The following ZDHHC1 variants were observed in gnomAD, a reference collection of about 807,000 sequenced individuals.
ZDHHC1 encodes the protein zDHHC palmitoyltransferase 1.
A neutral mutation model predicts 46.9 loss-of-function variants in ZDHHC1; 45 were observed. The observed-to-expected ratio is 0.96, with a 90% CI of 0.76 to 1.23. ZDHHC1 has a LOEUF of 1.23. ZDHHC1 is among the 50% of genes most tolerant of loss of function. The pLI, the probability that ZDHHC1 is intolerant of heterozygous loss-of-function variation, is 0.00. For synonymous variants in ZDHHC1, 291 were observed against 286.0 expected, an observed-to-expected ratio of 1.02 and a Z score of -0.18; for missense variants, 649 against 670.8, an observed-to-expected ratio of 0.97 and a Z score of 0.36.
Position 67,395,520 on chromosome 16 carries a change from G to T in ZDHHC1, c.974C>A (p.Pro325His). ...MRTFRHMRPE[P>H]PGQAGPAAVN... The stretch of plus-strand genomic sequence containing the variant: ...TGCTGCTGGCCCGGCCTGGCCAGGG[G>T]GCTCTGGGCGCATATGTCTGAAGGT... The change falls in exon 9 of 12, where the codon CCC becomes CAC. Residue 325 changes from proline (P) to histidine (H), a missense_variant. Physicochemically the swap from Pro to His is moderately conservative, Grantham distance 77. Transcript: ENST00000565726. 1.3e-6 allele frequency: 2 copies of T among 1,555,306 alleles called. No homozygotes were observed. Among genetic ancestry groups the T allele is most frequent in the Non-Finnish European group, 8.7e-7 (1 of 1,148,822 alleles).
chr16:67,412,166 C>A (rs1479597345), intron 1 of ZDHHC1, among the ~76,000 whole-genome samples: 1 of 151,718 alleles, frequency 6.6e-6, no homozygotes, highest in Non-Finnish European at 1.5e-5. Flanking sequence ...CATTCCTATA[C>A]GCACAGATTT....
intron 8 of ZDHHC1, 119 bp from the exon 9 acceptor site, chr16:67,395,685 C>G: frequency 1.0e-6 from 1 of 978,110 alleles, no homozygotes; most frequent in Non-Finnish European, 1.5e-6. Flanking sequence ...AGGCCTCATG[C>G]CAGGCTCCCA....
intron 1 of ZDHHC1, among the ~76,000 whole-genome samples, chr16:67,409,270 G>C (rs1333121803): frequency 6.6e-6 from 1 of 151,796 alleles, no homozygotes; most frequent in Non-Finnish European, 1.5e-5. Context: ...CTCCAAATCA[G>C]GATACCCCCT....
intron 4 of ZDHHC1, among the ~76,000 whole-genome samples, chr16:67,400,187 C>T (rs755448711): frequency 2.0e-5 from 3 of 152,206 alleles, no homozygotes; most frequent in Non-Finnish European, 4.4e-5. Context: ...AAGTCCTTGG[C>T]GCCTTAAGGC....
chr16:67,412,018 CAGG>C (rs1249256800), intron 1 of ZDHHC1, among the ~76,000 whole-genome samples: 2 of 151,708 alleles, frequency 1.3e-5, no homozygotes, highest in Non-Finnish European at 2.9e-5. Flanking sequence ...GAGGCTGAGG[CAGG>C]AGAATTGCTT....
At chr16:67,404,573 C>T (rs950502743) in intron 3 of ZDHHC1, 2 of 419,734 alleles carry the variant, frequency 4.8e-6, no homozygotes, top group East Asian at 7.1e-5. Flanking sequence ...CTGCAATGCT[C>T]AAAGCAGACG....
chr16:67,407,541 C>A (rs2040684147), intron 2 of ZDHHC1, among the ~76,000 whole-genome samples: 1 of 152,228 alleles, frequency 6.6e-6, no homozygotes, highest in African/African-American at 2.4e-5. Flanking sequence ...ATCTTCAGAG[C>A]CAACTGCAAG....
At chr16:67,400,094 T>C (rs2040521720) in intron 4 of ZDHHC1, among the ~76,000 whole-genome samples, 2 of 152,312 alleles carry the variant, frequency 1.3e-5, no homozygotes, top group South Asian at 4.1e-4. Context: ...GGCAGAGCCC[T>C]GCAATGGGCA....
chr16:67,412,805 CTT>C (rs561579879), intron 1 of ZDHHC1, among the ~76,000 whole-genome samples: 1 of 146,540 alleles, frequency 6.8e-6, no homozygotes, highest in Non-Finnish European at 1.5e-5. Context: ...TTTTCTTTCA[CTT>C]TTTTTTTTTT....
chr16:67,409,037 C>T (rs1206704167), intron 1 of ZDHHC1, among the ~76,000 whole-genome samples: 1 of 152,206 alleles, frequency 6.6e-6, no homozygotes, highest in Admixed American at 6.5e-5. Context: ...AACAACCCTA[C>T]ACCTTGCAGG....
Position 67,399,596 on chromosome 16 carries a change from C to T in ZDHHC1, c.429-140G>A, listed in dbSNP as rs551604331. 1.1e-5 allele frequency: 7 copies of T among 632,666 alleles called. No individual in the cohort carries two copies. The South Asian group carries it at 1.6e-4, about 15-fold the overall frequency. The allele number at this position is 632,666 out of a possible 1,614,324, so 39.2% of individuals were successfully genotyped here. On this transcript the variant is annotated intron_variant, in intron 4 of 11. Transcript: ENST00000565726. Reference sequence around the variant, plus strand: ...GCCCCGAGCGAGGCGACGAGGAGCGCGCGCGCCCTCTGCAGGCGCTGCGGG... The same window carrying T: ...GCCCCGAGCGAGGCGACGAGGAGCGTGCGCGCCCTCTGCAGGCGCTGCGGG...
In ZDHHC1 at chr16:67,398,893, C is replaced by T; in HGVS notation, c.582G>A (p.Val194=). ...ASALLGVLLL[V]LVATYVFVEF... ...CCACGAAGACATATGTGGCCACCAG[C>T]ACCAGGAGCAGGACGCCCAGTAAAG... is the stretch of plus-strand genomic sequence containing the variant. The change falls in exon 6 of 12, where the codon GTG becomes GTA. Residue 194 remains valine, a synonymous_variant. Coordinates refer to ENST00000565726, the MANE Select transcript of ZDHHC1 (RefSeq NM_001323627.2). The T allele has an allele frequency of 6.2e-7, 1 of 1,613,484 alleles. No individual in the cohort carries two copies. The highest frequency in any genetic ancestry group is 8.5e-7 in the Non-Finnish European group (1 of 1,179,746).
chr16:67,412,834 C>A (rs1434194114), intron 1 of ZDHHC1, among the ~76,000 whole-genome samples: 3 of 151,732 alleles, frequency 2.0e-5, no homozygotes, highest in Admixed American at 6.6e-5. Flanking sequence ...GAGTTTCACT[C>A]TTGTTGCTCA....
At chr16:67,402,169 C>T (rs1423017443) in intron 3 of ZDHHC1, among the ~76,000 whole-genome samples, 3 of 152,230 alleles carry the variant, frequency 2.0e-5, no homozygotes, top group Admixed American at 2.0e-4. Context: ...CCCTTCTATC[C>T]CTATGGCCAA....
intron 1 of ZDHHC1, among the ~76,000 whole-genome samples, chr16:67,411,605 C>T (rs1238025521): frequency 6.6e-6 from 1 of 152,084 alleles, no homozygotes; most frequent in African/African-American, 2.4e-5. Context: ...TTATCTTATA[C>T]ATATACTCAC....
At chr16:67,398,418 G>A in intron 7 of ZDHHC1, 94 bp from the exon 8 acceptor site, 3 of 1,521,078 alleles carry the variant, frequency 2.0e-6, no homozygotes, top group Non-Finnish European at 2.7e-6. Flanking sequence ...TGAAACCAGT[G>A]TCCCCAAATA....
chr16:67,402,590 C>G (rs909466906), intron 3 of ZDHHC1, among the ~76,000 whole-genome samples: 2 of 152,094 alleles, frequency 1.3e-5, no homozygotes, highest in African/African-American at 4.8e-5. Context: ...GCAAGAGTCC[C>G]TAGCACTGAA....
At chr16:67,412,098 C>T (rs550933287) in intron 1 of ZDHHC1, among the ~76,000 whole-genome samples, 297 of 150,442 alleles carry the variant, frequency 2.0e-3, no homozygotes, top group Non-Finnish European at 2.6e-3. Flanking sequence ...GGGCAACAGG[C>T]GAGACTCTGT....
At chr16:67,400,179 G>A (rs1476237512) in intron 4 of ZDHHC1, among the ~76,000 whole-genome samples, 1 of 152,252 alleles carries the variant, frequency 6.6e-6, no homozygotes, top group African/African-American at 2.4e-5. Context: ...TCATGTCCAA[G>A]TCCTTGGCGC....
Sources: gnomAD v4.1 joint callset for allele counts (sites outside exome capture counted in the v4.1 genomes callset) on GRCh38, gnomAD v4.1.1 for gene constraint, MANE v1.5 for transcripts, NCBI Gene and HGNC (gene_info 2026-07-23, HGNC 2026-07-21) for gene names.